The following PDE5A variants were observed in gnomAD, a reference collection of about 807,000 sequenced individuals.
The protein encoded by PDE5A is cGMP-specific 3',5'-cyclic phosphodiesterase.
Under a neutral mutation model 110.2 loss-of-function variants are expected in PDE5A, and 67 were observed. The observed-to-expected ratio is 0.61, with a 90% CI of 0.50 to 0.75. The LOEUF (loss-of-function observed/expected upper bound fraction) is 0.75, where lower values mean the gene tolerates loss of function less well. Ranked by LOEUF, PDE5A falls within the 30% of genes least tolerant of loss-of-function variation. The probability of loss-of-function intolerance (pLI) is 0.00; values close to 1 mark genes in which losing one functional copy is unlikely to be tolerated. For missense variants in PDE5A, 862 were observed against 1,045.1 expected, an observed-to-expected ratio of 0.82 and a Z score of 2.42; for synonymous variants, 328 against 351.2, an observed-to-expected ratio of 0.93 and a Z score of 0.74.
intron 3 of PDE5A, among the ~76,000 whole-genome samples, chr4:119,595,771 A>G (rs866327612): frequency 3.3e-5 from 5 of 152,200 alleles, no homozygotes; most frequent in African/African-American, 1.2e-4. Context: ...CTTGGTCTCC[A>G]TAATTGCATG....
chr4:119,628,493 C>T (rs1730442618), intron 1 of PDE5A, 27 bp downstream of exon 1: 1 of 1,529,636 alleles, frequency 6.5e-7, no homozygotes, highest in Non-Finnish European at 8.9e-7. Context: ...AAATCAGCCC[C>T]GGGTCTTCCG....
At chr4:119,546,287 A>G (rs1462491638) in intron 9 of PDE5A, among the ~76,000 whole-genome samples, 1 of 152,156 alleles carries the variant, frequency 6.6e-6, no homozygotes, top group Non-Finnish European at 1.5e-5. Context: ...ATAGCTTGAC[A>G]TAGTAAATTG....
chr4:119,579,266 T>C (rs1479522722), intron 3 of PDE5A, among the ~76,000 whole-genome samples: 1 of 152,180 alleles, frequency 6.6e-6, no homozygotes, highest in African/African-American at 2.4e-5. Flanking sequence ...TCAATCATTG[T>C]GGAAGTCAGT....
At chr4:119,553,793 G>T in intron 7 of PDE5A, 47 bp from the exon 8 acceptor site, 2 of 930,560 alleles carry the variant, frequency 2.1e-6, no homozygotes, top group African/African-American at 1.6e-5. Flanking sequence ...TTAAAAAAAA[G>T]CATGGGCAAA....
chr4:119,531,028 TC>T (rs1424897906), intron 11 of PDE5A, among the ~76,000 whole-genome samples: 9 of 152,168 alleles, frequency 5.9e-5, no homozygotes, highest in Non-Finnish European at 1.2e-4. Context: ...TTCTCTCACT[TC>T]CAACAACACT....
Position 119,581,017 on chromosome 4 carries a change from G to A in PDE5A, c.832-13873C>T, listed in dbSNP as rs567094404. On this transcript the variant is annotated intron_variant, in intron 3 of 20. Coordinates refer to ENST00000354960, the MANE Select transcript of PDE5A (RefSeq NM_001083.4). Reference sequence around the variant, plus strand: ...TGCAAAGCATAGGCTTACCCCGGACGGTGTTTTTGGATTTGGAGTCTGTTA... The same window carrying A: ...TGCAAAGCATAGGCTTACCCCGGACAGTGTTTTTGGATTTGGAGTCTGTTA... Among the ~76,000 whole-genome samples the A allele has an allele frequency of 2.2e-3, 331 of 152,270 alleles. 1 individual carries two copies. The highest frequency in any genetic ancestry group is 3.5e-3 in the Non-Finnish European group (240 of 68,008).
chr4:119,553,663 C>T lies in PDE5A; in HGVS notation c.1283G>A (p.Ser428Asn), dbSNP rs771519921. ...TGTCCAGGGAAATCTTTTATCCTTA[C>T]TGACATCTGGGATATTAAGTGGTTC... ...TMEPLNIPDV[S>N]KDKRFPWTTE... Residue 428 changes from serine to asparagine, a missense_variant, in exon 8 of 21, where the codon AGT becomes AAT. By Grantham distance (46) the Ser-to-Asn change is conservative. Coordinates refer to ENST00000354960, the MANE Select transcript of PDE5A (RefSeq NM_001083.4). 3.8e-6 allele frequency: 6 copies of T among 1,579,754 alleles called. No individual in the cohort carries two copies. Among genetic ancestry groups the T allele is most frequent in the Admixed American group, 1.7e-5 (1 of 59,730 alleles).
chr4:119,591,723 G>C (rs1728972096), intron 3 of PDE5A, among the ~76,000 whole-genome samples: 1 of 152,106 alleles, frequency 6.6e-6, no homozygotes, highest in Admixed American at 6.5e-5. Context: ...TGTCTGTTCT[G>C]TCTCTCTTCA....
chr4:119,574,787 C>T lies in PDE5A; in HGVS notation c.832-7643G>A, dbSNP rs1728272391. ...TATCAAGGAAAAGTGAATAATAATG[C>T]AGTATCAAAAATAAGTAGATTCTTC... On this transcript the variant is annotated intron_variant, in intron 3 of 20. Coordinates refer to ENST00000354960, the MANE Select transcript of PDE5A (RefSeq NM_001083.4). 2.0e-5 allele frequency among the ~76,000 whole-genome samples: 3 copies of T among 151,984 alleles called. No individual in the cohort carries two copies. In the South Asian group the frequency reaches 6.2e-4, roughly 32 times the overall value.
intron 3 of PDE5A, among the ~76,000 whole-genome samples, chr4:119,571,938 G>A (rs532976803): frequency 6.6e-6 from 1 of 152,096 alleles, no homozygotes; most frequent in South Asian, 2.1e-4. Context: ...GAATTTTAAT[G>A]GTTTCACCCA....
intron 10 of PDE5A, among the ~76,000 whole-genome samples, chr4:119,541,304 T>C (rs1248954168): frequency 1.3e-5 from 2 of 151,396 alleles, no homozygotes; most frequent in African/African-American, 4.8e-5. Flanking sequence ...TTAAAAATTA[T>C]ATTTATATAT....
intron 1 of PDE5A, among the ~76,000 whole-genome samples, chr4:119,609,123 T>C (rs946363649): frequency 2.6e-5 from 4 of 151,790 alleles, no homozygotes; most frequent in Middle Eastern, 3.4e-3. Flanking sequence ...GATCGCGCCA[T>C]TGCACTCCAG....
chr4:119,613,418 A>G (rs1230498155), intron 1 of PDE5A, among the ~76,000 whole-genome samples: 2 of 152,120 alleles, frequency 1.3e-5, no homozygotes, highest in Admixed American at 6.6e-5. Context: ...AGATTTCCAC[A>G]AGGTACTATA....
At chr4:119,554,304 C>CT (rs948329230) in intron 7 of PDE5A, among the ~76,000 whole-genome samples, 3 of 151,928 alleles carry the variant, frequency 2.0e-5, no homozygotes, top group Admixed American at 6.6e-5. Context: ...CTCTCTACAC[C>CT]TTTTTTCTGC....
chr4:119,622,173 C>CAA (rs11334790), intron 1 of PDE5A, among the ~76,000 whole-genome samples: 1 of 135,858 alleles, frequency 7.4e-6, no homozygotes, highest in African/African-American at 2.7e-5. Context: ...GACTCCATCT[C>CAA]AAAAAAAAAA....
At chr4:119,498,811 A>G in intron 20 of PDE5A, 73 bp from the exon 21 acceptor site, 1 of 1,503,986 alleles carries the variant, frequency 6.6e-7, no homozygotes, top group Non-Finnish European at 9.2e-7. Flanking sequence ...GCCTGTTACA[A>G]AGGGCCACAT....
At chr4:119,580,316 G>T (rs1452635959) in intron 3 of PDE5A, among the ~76,000 whole-genome samples, 3 of 152,126 alleles carry the variant, frequency 2.0e-5, no homozygotes, top group Admixed American at 2.0e-4. Context: ...AGATCTTTCT[G>T]TCCCTTGAGA....
At chr4:119,626,366 C>A (rs1426648318) in intron 1 of PDE5A, among the ~76,000 whole-genome samples, 1 of 152,144 alleles carries the variant, frequency 6.6e-6, no homozygotes, top group Non-Finnish European at 1.5e-5. Context: ...CTATCTATGA[C>A]TAGTCAAAAA....
At position 119,545,425 on chromosome 4, in the gene PDE5A, T is replaced by C. The variant is rs528389716; in HGVS notation, c.1397-2791A>G. On this transcript the variant is annotated intron_variant, in intron 9 of 20. Coordinates refer to ENST00000354960, the MANE Select transcript of PDE5A (RefSeq NM_001083.4). ...ATAATTTATATTTAAAAATGAAATG[T>C]TTAATGCAAAACCAAAAATAAAAGA... 1.9e-3 allele frequency among the ~76,000 whole-genome samples: 285 copies of C among 152,290 alleles called. 3 individuals carry two copies. Among genetic ancestry groups the C allele is most frequent in the Middle Eastern group, 3.4e-3 (1 of 294 alleles).
Sources: allele counts gnomAD v4.1 joint callset (sites outside exome capture counted in the v4.1 genomes callset), GRCh38; gene constraint gnomAD v4.1.1; transcripts MANE v1.5; gene names NCBI Gene and HGNC (gene_info 2026-07-23, HGNC 2026-07-21).